The following GALNT13 variants were observed in gnomAD, a reference collection of about 807,000 sequenced individuals.
GALNT13 encodes polypeptide N-acetylgalactosaminyltransferase 13.
In GALNT13, 28 loss-of-function variants were observed where a neutral mutation model predicts 64.2. That is an observed-to-expected ratio of 0.44 (90% CI 0.32 to 0.60). The LOEUF is 0.60. GALNT13 is among the 20% of genes least tolerant of loss of function. The pLI, the probability that GALNT13 is intolerant of heterozygous loss-of-function variation, is 0.05. For missense variants in GALNT13, 577 were observed against 669.8 expected (o/e 0.86, Z 1.53); for synonymous variants, 214 against 224.6 (o/e 0.95, Z 0.42).
At chr2:153,455,894 G>C in the GALNT13 span, among the ~76,000 whole-genome samples, 15 of 152,118 alleles carry the variant, frequency 9.9e-5, no homozygotes, top group African/African-American at 3.6e-4. Context: ...TGGTAAATGC[G>C]GAGCATTTTA....
the GALNT13 span, among the ~76,000 whole-genome samples, chr2:153,858,575 T>A: frequency 6.6e-6 from 1 of 152,164 alleles, no homozygotes; most frequent in East Asian, 1.9e-4. Context: ...AGATCATATT[T>A]ATATAACTTT....
At chr2:153,563,943 C>G in the GALNT13 span, among the ~76,000 whole-genome samples, 1 of 152,092 alleles carries the variant, frequency 6.6e-6, no homozygotes, top group Admixed American at 6.6e-5. Context: ...ACAAATTGTT[C>G]TTACCTCTGC....
chr2:153,577,652 T>C, the GALNT13 span, among the ~76,000 whole-genome samples: 1 of 152,032 alleles, frequency 6.6e-6, no homozygotes, highest in Non-Finnish European at 1.5e-5. Context: ...CAAAAGGTAC[T>C]CTTTAGTGTT....
intron 12 of GALNT13, chr2:154,445,725 C>A (rs1324477825): frequency 5.6e-6 from 5 of 888,230 alleles, no homozygotes; most frequent in Non-Finnish European, 7.8e-6. Context: ...GTTCATTAAG[C>A]TGCCTGAGAG....
the GALNT13 span, among the ~76,000 whole-genome samples, chr2:153,273,784 C>T: frequency 2.0e-4 from 30 of 152,124 alleles, no homozygotes; most frequent in Non-Finnish European, 4.3e-4. Context: ...AATCAAATGT[C>T]ATATCTGTTG....
At chr2:154,430,607 A>C (rs985045500) in intron 11 of GALNT13, among the ~76,000 whole-genome samples, 1 of 152,200 alleles carries the variant, frequency 6.6e-6, no homozygotes, top group African/African-American at 2.4e-5. Flanking sequence ...CATAAACTCA[A>C]GTCGATAAAG....
the GALNT13 span, among the ~76,000 whole-genome samples, chr2:153,111,119 G>T: frequency 6.6e-6 from 1 of 151,966 alleles, no homozygotes; most frequent in Non-Finnish European, 1.5e-5. Context: ...TTCAATAGGG[G>T]TTTCCAAAAG....
the GALNT13 span, among the ~76,000 whole-genome samples, chr2:153,252,640 A>T: frequency 2.6e-5 from 4 of 152,176 alleles, no homozygotes; most frequent in Non-Finnish European, 5.9e-5. Flanking sequence ...TCTTGAATTA[A>T]TTTTTGTATA....
the GALNT13 span, among the ~76,000 whole-genome samples, chr2:153,644,841 T>G: frequency 6.6e-6 from 1 of 152,134 alleles, no homozygotes; most frequent in Non-Finnish European, 1.5e-5. Context: ...ACCATTAAGA[T>G]TCTCTTCTTT....
At chr2:153,566,348 G>GTTTTTTTTTTTTTTTTTTTTTTTT in the GALNT13 span, among the ~76,000 whole-genome samples, 93 of 74,782 alleles carry the variant, frequency 1.2e-3, 15 homozygotes, top group African/African-American at 4.0e-3. Context: ...TTCTAATCAC[G>GTTTTTTTTTTTTTTTTTTTTTTTT]TTTTTTTTTT....
intron 3 of GALNT13, among the ~76,000 whole-genome samples, chr2:154,084,014 T>C (rs1248907332): frequency 6.6e-6 from 1 of 151,826 alleles, no homozygotes; most frequent in East Asian, 1.9e-4. Context: ...AGCTGATGTC[T>C]TGGGCTCCGT....
chr2:154,355,364 A>C (rs989244414), intron 9 of GALNT13, among the ~76,000 whole-genome samples: 1 of 152,118 alleles, frequency 6.6e-6, no homozygotes, highest in Admixed American at 6.5e-5. Context: ...CTACAAAAAC[A>C]ATTTCTTAGG....
intron 11 of GALNT13, among the ~76,000 whole-genome samples, chr2:154,427,207 A>G (rs1430191696): frequency 6.6e-6 from 1 of 152,196 alleles, no homozygotes; most frequent in African/African-American, 2.4e-5. Context: ...GAGGAATCCA[A>G]CATTTTGACA....
chr2:154,225,497 A>G (rs1201802208), intron 4 of GALNT13, among the ~76,000 whole-genome samples: 1 of 152,058 alleles, frequency 6.6e-6, no homozygotes, highest in Non-Finnish European at 1.5e-5. Flanking sequence ...AATTTCTAGG[A>G]ATTTACCCTC....
chr2:153,899,557 C>T (rs1296363737), intron 1 of GALNT13, among the ~76,000 whole-genome samples: 1 of 152,008 alleles, frequency 6.6e-6, no homozygotes, highest in African/African-American at 2.4e-5. Flanking sequence ...CTGTGTGAAA[C>T]ATTAGCAAAA....
the GALNT13 span, among the ~76,000 whole-genome samples, chr2:153,298,764 A>G: frequency 2.1e-4 from 32 of 152,310 alleles, no homozygotes; most frequent in East Asian, 6.0e-3. Context: ...CCAAGGAATA[A>G]CTTATGAAAA....
chr2:153,703,387 T>G, the GALNT13 span, among the ~76,000 whole-genome samples: 1 of 152,186 alleles, frequency 6.6e-6, no homozygotes, highest in East Asian at 1.9e-4. Flanking sequence ...TATTCTTGTT[T>G]CATATTCAGG....
the GALNT13 span, among the ~76,000 whole-genome samples, chr2:153,070,798 T>TA: frequency 1.3e-5 from 2 of 152,180 alleles, no homozygotes; most frequent in Non-Finnish European, 2.9e-5. Context: ...ATTACGTTTA[T>TA]AAAAAACCTC....
At chr2:154,244,271 A>G (rs1050095462) in intron 6 of GALNT13, among the ~76,000 whole-genome samples, 2 of 152,184 alleles carry the variant, frequency 1.3e-5, no homozygotes, top group Non-Finnish European at 2.9e-5. Context: ...TACCCTAAAT[A>G]GACAGTCTGT....
Sources: allele counts gnomAD v4.1 joint callset (sites outside exome capture counted in the v4.1 genomes callset), GRCh38; gene constraint gnomAD v4.1.1; transcripts MANE v1.5; gene names NCBI Gene and HGNC (gene_info 2026-07-23, HGNC 2026-07-21).